The following ACAP1 variants were observed in gnomAD, a reference collection of about 807,000 sequenced individuals.
The protein encoded by ACAP1 is ArfGAP with coiled-coil, ankyrin repeat and PH domains 1.
A neutral mutation model predicts 98.8 loss-of-function variants in ACAP1; 45 were observed. The ratio of observed to expected loss-of-function variants is 0.46; its 90% confidence interval spans 0.36 to 0.58. ACAP1 has a LOEUF of 0.58. Ranked by LOEUF, ACAP1 falls within the 20% of genes least tolerant of loss-of-function variation. ACAP1 has a pLI of 0.00. For missense variants in ACAP1, 735 were observed against 971.4 expected (o/e 0.76, Z 3.24); for synonymous variants, 362 against 375.3 (o/e 0.96, Z 0.41).
chr17:7,336,761 G>A lies in ACAP1; in HGVS notation c.27G>A (p.Glu9=), dbSNP rs1412824172. 14 of 1,613,972 alleles carry A rather than the reference G, an allele frequency of 8.7e-6. No individual in the cohort carries two copies. The highest frequency in any genetic ancestry group is 1.2e-5 in the Non-Finnish European group (14 of 1,179,898). ...TGACGGTCAAGCTGGATTTCGAGGA[G>A]TGTCTCAAGGACTCACCCCGTTTCC... The part of the protein sequence containing the change: MTVKLDFE[E]CLKDSPRFRA... Residue 9 remains glutamate (E), a synonymous_variant, in exon 1 of 22, where the codon GAG becomes GAA. Coordinates refer to ENST00000158762, the MANE Select transcript of ACAP1 (RefSeq NM_014716.4).
chr17:7,344,620 G>T lies in ACAP1; in HGVS notation c.826G>T (p.Ala276Ser), dbSNP rs1402136406. ...GATGGAAGGACATCTCTTCAAACGG[G>T]CCAGCAACGCATTTAAGACCTGGAG... is the stretch of plus-strand genomic sequence containing the variant. ...LVMEGHLFKR[A>S]SNAFKTWSRR... Residue 276 changes from alanine to serine, a missense_variant, in exon 10 of 22, where the codon GCC becomes TCC. This residue lies in a region of ACAP1 where 430 missense variants were observed against 531.8 expected (regional missense o/e 0.81). Transcript: ENST00000158762. The surrounding 1 kb of genome is among the most constrained non-coding windows in gnomAD (Gnocchi z 4.9). 6.4e-7 allele frequency: 1 copy of T among 1,551,338 alleles called. No individual in the cohort carries two copies. The highest frequency in any genetic ancestry group is 1.2e-5 in the South Asian group (1 of 84,054).
At chr17:7,339,846 C>A (rs1302920183) in intron 2 of ACAP1, among the ~76,000 whole-genome samples, 1 of 152,138 alleles carries the variant, frequency 6.6e-6, no homozygotes, top group Non-Finnish European at 1.5e-5. Flanking sequence ...CTTCTTTAAT[C>A]TGTGGTAACC....
rs534065167 is a variant in ACAP1 at position 7,338,501 on chromosome 17, G to A, written c.111+1132G>A. 2.6e-5 allele frequency among the ~76,000 whole-genome samples: 4 copies of A among 152,072 alleles called. No homozygotes were observed. The East Asian group carries it at 5.8e-4, about 22-fold the overall frequency. On this transcript the variant is annotated intron_variant, in intron 2 of 21. Transcript: ENST00000158762. ...TGGTCTTGAACTCCTGACCTCAAAT[G>A]ATCTACCTGCCGCAGCCTCCCAAAG...
chr17:7,350,411 A>C lies in ACAP1; in HGVS notation c.2072+174A>C. On this transcript the variant is annotated intron_variant, in intron 20 of 21. Coordinates refer to ENST00000158762, the MANE Select transcript of ACAP1 (RefSeq NM_014716.4). The surrounding 1 kb of genome is among the most constrained non-coding windows in gnomAD (Gnocchi z 4.6). ...TCGAGAAAGGCTGCGCGAAGTGTGC[A>C]CTGGGACGTGGAGTAGAAGGCAGGC... is the stretch of plus-strand genomic sequence containing the variant. The C allele has an allele frequency of 1.6e-6, 1 of 607,504 alleles. No individual in the cohort carries two copies. The allele number at this position is 607,504 out of a possible 1,614,324, so 37.6% of individuals were successfully genotyped here. A position where few individuals can be genotyped will look rare whatever the true frequency, so the allele number is the denominator to read the frequency against.
chr17:7,346,500 A>C lies in ACAP1; in HGVS notation c.1007+9A>C. ...GTGGTGTCCACCAGCAAGTGAGTGC[A>C]ATCCCCAGGGGTGATACTCTAATAT... On this transcript the variant is annotated intron_variant, in intron 12 of 21. Transcript: ENST00000158762. 1 of 1,596,144 alleles carries C rather than the reference A, an allele frequency of 6.3e-7. No homozygotes were observed. The highest frequency in any genetic ancestry group is 8.5e-7 in the Non-Finnish European group (1 of 1,171,048).
At chr17:7,342,622 G>A (rs1044147489) in intron 5 of ACAP1, 148 bp downstream of exon 5, 12 of 911,604 alleles carry the variant, frequency 1.3e-5, no homozygotes, top group Admixed American at 2.2e-5. Flanking sequence ...AAATTAGGCC[G>A]GGCACGGTGG....
chr17:7,349,056 G>T lies in ACAP1; in HGVS notation c.1740G>T (p.Gly580=), dbSNP rs147239090. Residue 580 remains glycine, a synonymous_variant, in exon 18 of 22, where the codon GGG becomes GGT. Coordinates refer to ENST00000158762, the MANE Select transcript of ACAP1 (RefSeq NM_014716.4). ...HPGALLFRAS[G]HPPSLPTMAD... is the part of the protein sequence containing the mutation. ...GGGCCCTACTGTTTCGAGCGTCTGG[G>T]CATCCTCCATCTCTTCCCACCATGG... The T allele has an allele frequency of 2.2e-4, 355 of 1,613,870 alleles. 1 individual carries two copies. Among genetic ancestry groups the T allele is most frequent in the Non-Finnish European group, 2.6e-4 (312 of 1,180,004 alleles).
At chr17:7,341,799 A>C in intron 2 of ACAP1, 149 bp from the exon 3 acceptor site, 1 of 1,129,312 alleles carries the variant, frequency 8.9e-7, no homozygotes, top group Non-Finnish European at 1.3e-6. Context: ...AGATACAGGG[A>C]GAGCTGGATG....
chr17:7,348,105 C>CCTCT, intron 15 of ACAP1, 22 bp from the exon 16 acceptor site: 1 of 1,613,314 alleles, frequency 6.2e-7, no homozygotes, highest in Non-Finnish European at 8.5e-7. Context: ...CCTGTCTCTG[C>CCTCT]CTCTGCCTGG....
At chr17:7,342,389 C>T (rs747700098) in intron 4 of ACAP1, 27 bp from the exon 5 acceptor site, 11 of 1,613,936 alleles carry the variant, frequency 6.8e-6, no homozygotes, top group Non-Finnish European at 9.3e-6. Flanking sequence ...GTCCTGACCC[C>T]AGTCTACCAA....
Position 7,350,826 on chromosome 17 carries a change from G to T in ACAP1, c.2073-124G>T, listed in dbSNP as rs1597656611. ...GGGGTTTCACCATGTTGGCCAGGAC[G>T]GTCTCGATCTCCTGACCTCGTGATC... On this transcript the variant is annotated intron_variant, in intron 20 of 21. Coordinates refer to ENST00000158762, the MANE Select transcript of ACAP1 (RefSeq NM_014716.4). This position sits in a 1 kb window ranked among gnomAD's most constrained non-coding sequence, Gnocchi z 4.6. 8.0e-6 allele frequency: 7 copies of T among 879,928 alleles called. No homozygotes were observed. Among genetic ancestry groups the T allele is most frequent in the Admixed American group, 6.2e-5 (3 of 48,652 alleles). 54.5% of individuals were successfully genotyped at this position (879,928 alleles called of 1,614,324 possible).
At chr17:7,347,880 C>G (rs114480544) in intron 14 of ACAP1, 42 bp from the exon 15 acceptor site, 56 of 1,554,436 alleles carry the variant, frequency 3.6e-5, no homozygotes, top group Admixed American at 8.3e-5. Context: ...CAGGCCACTG[C>G]CCCCCTGCAC....
At chr17:7,339,244 C>G (rs893817635) in intron 2 of ACAP1, among the ~76,000 whole-genome samples, 2 of 151,162 alleles carry the variant, frequency 1.3e-5, no homozygotes, top group Admixed American at 1.3e-4. Flanking sequence ...GAGTGGAGGT[C>G]GTGCCACTGC....
Position 7,350,514 on chromosome 17 carries a change from T to C in ACAP1, c.2072+277T>C. On this transcript the variant is annotated intron_variant, in intron 20 of 21. Transcript: ENST00000158762. This position sits in a 1 kb window ranked among gnomAD's most constrained non-coding sequence, Gnocchi z 4.6. ...CGCCCATCAACATTGCTGTCAGGCA[T>C]CTTTTTAGCACTAGACGTGACCCCG... 1.9e-6 allele frequency: 1 copy of C among 528,448 alleles called. No homozygotes were observed. The highest frequency in any genetic ancestry group is 3.4e-6 in the Non-Finnish European group (1 of 295,850). The allele number at this position is 528,448 out of a possible 1,614,324, so 32.7% of individuals were successfully genotyped here.
chr17:7,351,094 C>A (rs1031172781), intron 21 of ACAP1, 95 bp downstream of exon 21: 2 of 1,318,638 alleles, frequency 1.5e-6, no homozygotes, highest in Non-Finnish European at 1.1e-6. Context: ...CAGCTGCATT[C>A]ATTCCGTTAT....
At position 7,344,741 on chromosome 17, in the gene ACAP1, G is replaced by A. The variant is rs554047888; in HGVS notation, c.854+93G>A. 5.8e-5 allele frequency: 49 copies of A among 849,414 alleles called. No individual in the cohort carries two copies. The highest frequency in any genetic ancestry group is 4.2e-4 in the African/African-American group (25 of 59,342). 52.6% of individuals were successfully genotyped at this position (849,414 alleles called of 1,614,324 possible). On this transcript the variant is annotated intron_variant, in intron 10 of 21. Transcript: ENST00000158762. This position sits in a 1 kb window ranked among gnomAD's most constrained non-coding sequence, Gnocchi z 4.9. ...CTAAGCACTGCAAGGAAAAACAGAC[G>A]AACCCCCCTGCCTCAGTAGAGTTTC... is the stretch of plus-strand genomic sequence containing the variant.
Position 7,345,873 on chromosome 17 carries a change from A to G in ACAP1, c.855-371A>G, listed in dbSNP as rs181725834. 220 of 211,856 alleles carry G rather than the reference A, an allele frequency of 1.0e-3. 3 individuals carry two copies. Among genetic ancestry groups the G allele is most frequent in the African/African-American group, 4.9e-3 (208 of 42,854 alleles). 13.1% of individuals were successfully genotyped at this position (211,856 alleles called of 1,614,324 possible). Reference sequence around the variant, plus strand: ...TCACCATATTGGTCAGGGTGGTCTCAAACTCCTGACCTCGGGTGATCCACC... The same window carrying G: ...TCACCATATTGGTCAGGGTGGTCTCGAACTCCTGACCTCGGGTGATCCACC... On this transcript the variant is annotated intron_variant, in intron 10 of 21. Transcript: ENST00000158762.
chr17:7,346,501 AT>A lies in ACAP1; in HGVS notation c.1007+11del. ...TGGTGTCCACCAGCAAGTGAGTGCA[AT>A]CCCCAGGGGTGATACTCTAATATAT... On this transcript the variant is annotated intron_variant, in intron 12 of 21. Coordinates refer to ENST00000158762, the MANE Select transcript of ACAP1 (RefSeq NM_014716.4). 6.3e-7 allele frequency: 1 copy of A among 1,595,490 alleles called. No homozygotes were observed. The highest frequency in any genetic ancestry group is 8.5e-7 in the Non-Finnish European group (1 of 1,170,822).
rs149214595 is a variant in ACAP1 at position 7,347,234 on chromosome 17, C to T, written c.1335C>T (p.Gly445=). ...LGVTLCIQCS[G]IHRSLGVHFS... is the part of the protein sequence containing the mutation. ...TCACCCTCTGCATTCAGTGTTCCGG[C>T]ATCCACAGGTTACTCCACAAGGCCC... is the stretch of plus-strand genomic sequence containing the variant. Residue 445 remains glycine, a synonymous_variant, in exon 14 of 22, where the codon GGC becomes GGT. Coordinates refer to ENST00000158762, the MANE Select transcript of ACAP1 (RefSeq NM_014716.4). 9.3e-4 allele frequency: 1,501 copies of T among 1,611,930 alleles called. 7 individuals carry two copies. The Middle Eastern group carries it at 0.022, about 23-fold the overall frequency.
Sources: gnomAD v4.1 joint callset for allele counts (sites outside exome capture counted in the v4.1 genomes callset) on GRCh38, gnomAD v4.1.1 for gene constraint, gnomAD v4.1.1 regional missense constraint, Gnocchi (gnomAD v3.1) non-coding constraint, MANE v1.5 for transcripts, NCBI Gene and HGNC (gene_info 2026-07-23, HGNC 2026-07-21) for gene names.